The following ATP13A3 variants were observed in gnomAD, a reference collection of about 807,000 sequenced individuals.
The protein encoded by ATP13A3 is polyamine-transporting ATPase 13A3.
A neutral mutation model predicts 158.1 loss-of-function variants in ATP13A3; 59 were observed. The ratio of observed to expected loss-of-function variants is 0.37; its 90% CI spans 0.30 to 0.46. The LOEUF (loss-of-function observed/expected upper bound fraction) is 0.46. Among genes scored for constraint, ATP13A3 ranks in the 20% least tolerant of loss-of-function variants. The pLI is 1.00. For synonymous variants in ATP13A3, 491 were observed against 504.3 expected, an observed-to-expected ratio of 0.97 and a Z score of 0.35; for missense variants, 1,166 against 1,525.2, an observed-to-expected ratio of 0.76 and a Z score of 3.92.
rs890098181 is a variant in ATP13A3 at position 194,481,655 on chromosome 3, G to A, written c.-47+4139C>T. On this transcript the variant is annotated intron_variant, in intron 2 of 33. Transcript: ENST00000645319. ...AAAATAAGAAAAACTCACTGAGCTA[G>A]AACCATCTTTCACCTTACCACCCAA... 4.6e-5 allele frequency among the ~76,000 whole-genome samples: 7 copies of A among 152,012 alleles called. 1 individual carries two copies. The highest frequency in any genetic ancestry group is 4.6e-4 in the Admixed American group (7 of 15,276).
chr3:194,490,191 A>T (rs1389817567), upstream of ATP13A3, among the ~76,000 whole-genome samples: 1 of 152,102 alleles, frequency 6.6e-6, no homozygotes, highest in East Asian at 1.9e-4. The surrounding 1 kb of genome is among the most constrained non-coding windows in gnomAD (Gnocchi z 4.4). Context: ...CAAGAGGAAA[A>T]ATCCTCATCT....
At chr3:194,484,583 CTTTT>C (rs1180570663) in intron 2 of ATP13A3, among the ~76,000 whole-genome samples, 7 of 152,064 alleles carry the variant, frequency 4.6e-5, no homozygotes, top group African/African-American at 1.7e-4. Context: ...TTTATTCTGT[CTTTT>C]TTCTCAGTCT....
chr3:194,435,274 CAA>C (rs1379831231), intron 20 of ATP13A3, among the ~76,000 whole-genome samples: 5 of 152,316 alleles, frequency 3.3e-5, no homozygotes, highest in Non-Finnish European at 4.4e-5. Flanking sequence ...AATGTGAAGA[CAA>C]TGTGTCAAAA....
At chr3:194,421,820 G>A (rs1304853551) in intron 30 of ATP13A3, among the ~76,000 whole-genome samples, 1 of 151,394 alleles carries the variant, frequency 6.6e-6, no homozygotes, top group Non-Finnish European at 1.5e-5. Context: ...AGAGAAACAC[G>A]GAGACTAAAA....
chr3:194,480,402 A>G (rs1432833713), intron 2 of ATP13A3, among the ~76,000 whole-genome samples: 1 of 152,048 alleles, frequency 6.6e-6, no homozygotes, highest in African/African-American at 2.4e-5. Flanking sequence ...TGCTATCCCC[A>G]GAGTAATACT....
chr3:194,433,232 CTTTTTTTTT>C lies in ATP13A3; in HGVS notation c.2245+531_2245+539del, dbSNP rs71637136. 3.5e-5 allele frequency among the ~76,000 whole-genome samples: 4 copies of C among 113,658 alleles called. No individual in the cohort carries two copies. In the South Asian group the frequency reaches 1.2e-3, roughly 35 times the overall value. 74.6% of individuals were successfully genotyped at this position (113,658 alleles called of 152,430 possible). On this transcript the variant is annotated intron_variant, in intron 21 of 33. Coordinates refer to ENST00000645319, the MANE Select transcript of ATP13A3 (RefSeq NM_001367549.1). Reference sequence around the variant, plus strand: ...ATTTTTACAGTGTACTTTTACTATTCTTTTTTTTTTTTTTTTTTTTTTGAGACGGAGTCT... The same window carrying C: ...ATTTTTACAGTGTACTTTTACTATTCTTTTTTTTTTTTTGAGACGGAGTCT...
At chr3:194,449,359 C>A (rs866996815) in intron 11 of ATP13A3, among the ~76,000 whole-genome samples, 10 of 150,768 alleles carry the variant, frequency 6.6e-5, no homozygotes, top group Middle Eastern at 3.4e-3. Context: ...TCAACTAGGA[C>A]AATTAAAAAA....
Position 194,427,151 on chromosome 3 carries a change from A to G in ATP13A3, c.3049T>C (p.Cys1017Arg). 1 of 1,613,998 alleles carries G rather than the reference A, an allele frequency of 6.2e-7. No homozygotes were observed. The highest frequency in any genetic ancestry group is 1.1e-5 in the South Asian group (1 of 91,002). The change falls in exon 29 of 34, where the codon TGC becomes CGC. Residue 1017 changes from cysteine to arginine, a missense_variant. By Grantham distance (180) the Cys-to-Arg change is radical. Around this residue, in one of 3 missense-constraint regions of ATP13A3, gnomAD observed 997 missense variants for 1,341.2 expected, o/e 0.74. Transcript: ENST00000645319. The stretch of plus-strand genomic sequence containing the variant: ...AAACCCAAAGATTGAAATCCAATGC[A>G]GATGATAATCTGAGACAAAACGGAG... Reference protein sequence around the residue: ...LFSVLSQIIICIGFQSLGFFW... With the variant: ...LFSVLSQIIIRIGFQSLGFFW...
At chr3:194,489,401 C>T (rs1721119758), upstream of ATP13A3, among the ~76,000 whole-genome samples, 1 of 152,278 alleles carries the variant, frequency 6.6e-6, no homozygotes, top group South Asian at 2.1e-4. This position sits in a 1 kb window ranked among gnomAD's most constrained non-coding sequence, Gnocchi z 4.1. Flanking sequence ...TGAGATTGCG[C>T]CATTGCACTC....
At chr3:194,485,970 G>A (rs1372722241) in intron 1 of ATP13A3, 135 bp from the exon 2 acceptor site, 1 of 152,040 alleles carries the variant, frequency 6.6e-6, no homozygotes, top group Non-Finnish European at 1.5e-5. Flanking sequence ...AAAAAAGCCA[G>A]AGGTCATACT....
chr3:194,430,004 G>A (rs1326263578), intron 26 of ATP13A3, 68 bp downstream of exon 26: 13 of 1,350,484 alleles, frequency 9.6e-6, no homozygotes, highest in Non-Finnish European at 1.2e-5. Flanking sequence ...TACTTTTTAT[G>A]ATAATTTTCT....
rs767050205 is a variant in ATP13A3, at chr3:194,437,177, T to C, written c.2038A>G (p.Lys680Glu). Residue 680 changes from lysine to glutamate, a missense_variant, in exon 20 of 34, where the codon AAA (lysine) becomes GAA (glutamate). Transcript: ENST00000645319. ...AGAGCAATCACACGGAAGCCCTGTT[T>C]AGTGAAGTCTTCCAAAACGTTTTGA... ...DFQNVLEDFTKQGFRVIALAH... is the reference protein window; with the variant it reads ...DFQNVLEDFTEQGFRVIALAH... The C allele has an allele frequency of 6.2e-7, 1 of 1,614,100 alleles. No homozygotes were observed. The highest frequency in any genetic ancestry group is 1.3e-5 in the African/African-American group (1 of 75,052).
chr3:194,430,747 T>C (rs1460670984), intron 24 of ATP13A3, among the ~76,000 whole-genome samples, 196 bp downstream of exon 24: 1 of 152,320 alleles, frequency 6.6e-6, no homozygotes, highest in Non-Finnish European at 1.5e-5. Context: ...ACTGTGGATA[T>C]TGTACTTTAG....
chr3:194,441,959 G>A (rs2108869078), intron 15 of ATP13A3, among the ~76,000 whole-genome samples: 1 of 152,224 alleles, frequency 6.6e-6, no homozygotes, highest in South Asian at 2.1e-4. Flanking sequence ...TATGCACCAG[G>A]CATTATTCTA....
rs1215156508 is a variant in ATP13A3 at position 194,428,017 on chromosome 3, T to TA, written c.2948-766dup. On this transcript the variant is annotated intron_variant, in intron 28 of 33. Coordinates refer to ENST00000645319, the MANE Select transcript of ATP13A3 (RefSeq NM_001367549.1). Reference sequence around the variant, plus strand: ...GGGCGGACCACTTGAGGTCAGGAGTTAGAGACTGGCCTGGCCAACATGGTG... The same window carrying TA: ...GGGCGGACCACTTGAGGTCAGGAGTTAAGAGACTGGCCTGGCCAACATGGTG... Among the ~76,000 whole-genome samples the TA allele has an allele frequency of 4.6e-5, 7 of 152,126 alleles. No homozygotes were observed. The East Asian group carries it at 9.6e-4, about 21-fold the overall frequency.
In ATP13A3 at chr3:194,448,843, T is replaced by A. The variant is rs1718589980; in HGVS notation, c.971-207A>T. On this transcript the variant is annotated intron_variant, in intron 11 of 33. Transcript: ENST00000645319. The surrounding 1 kb of genome is among the most constrained non-coding windows in gnomAD (Gnocchi z 4.0). ...TTCCTCACATAGAAGTATCAAATAT[T>A]ATCTCCCACAATAATTCCAGAAAGT... Among the ~76,000 whole-genome samples the A allele has an allele frequency of 1.3e-5, 2 of 152,224 alleles. No individual in the cohort carries two copies. Among genetic ancestry groups the A allele is most frequent in the African/African-American group, 4.8e-5 (2 of 41,442 alleles).
intron 13 of ATP13A3, 26 bp downstream of exon 13, chr3:194,447,826 C>G (rs767730541): frequency 1.3e-6 from 2 of 1,574,118 alleles, no homozygotes; most frequent in Admixed American, 1.7e-5. Flanking sequence ...GAGGTTCAAA[C>G]CCTATTAAGA....
At position 194,410,320 on chromosome 3, in the gene ATP13A3, A is replaced by AAAAAAC. The variant is rs1715295407; in HGVS notation, c.3573+1878_3573+1879insGTTTTT. Reference sequence around the variant, plus strand: ...GCAAAAAAAAAAAAAAAAAAAAAAAAAAAAAAAAAAACTGCTGGGCCTGGG... The same window carrying AAAAAAC: ...GCAAAAAAAAAAAAAAAAAAAAAAAAAAAAACAAAAAAAAAAACTGCTGGGCCTGGG... On this transcript the variant is annotated intron_variant, in intron 33 of 33. Coordinates refer to ENST00000645319, the MANE Select transcript of ATP13A3 (RefSeq NM_001367549.1). Among the ~76,000 whole-genome samples, 59 of 125,970 alleles carry AAAAAAC rather than the reference A, an allele frequency of 4.7e-4. 1 individual carries two copies. Among genetic ancestry groups the AAAAAAC allele is most frequent in the African/African-American group, 2.0e-3 (56 of 27,450 alleles). The allele number at this position is 125,970 out of a possible 152,430, so 82.6% of individuals were successfully genotyped here.
intron 2 of ATP13A3, among the ~76,000 whole-genome samples, chr3:194,492,460 C>CTTT (rs35373585): frequency 7.1e-6 from 1 of 141,082 alleles, no homozygotes; most frequent in African/African-American, 2.6e-5. Context: ...CTCCTGTGTA[C>CTTT]TTTTTTTTTT....
Sources: gnomAD v4.1 joint callset for allele counts (sites outside exome capture counted in the v4.1 genomes callset) on GRCh38, gnomAD v4.1.1 for gene constraint, gnomAD v4.1.1 regional missense constraint, Gnocchi (gnomAD v3.1) non-coding constraint, MANE v1.5 for transcripts, NCBI Gene and HGNC (gene_info 2026-07-23, HGNC 2026-07-21) for gene names.